The following TDRD7 variants were observed in gnomAD, a reference collection of about 807,000 sequenced individuals.
The protein encoded by TDRD7 is tudor domain-containing protein 7.
In TDRD7, 47 loss-of-function variants were observed where a neutral mutation model predicts 109.8. The ratio of observed to expected loss-of-function variants is 0.43; its 90% CI spans 0.34 to 0.55. The LOEUF (loss-of-function observed/expected upper bound fraction) is 0.55. TDRD7 is among the 20% of genes least tolerant of loss of function. The pLI is 0.03. For synonymous variants in TDRD7, 424 were observed against 457.3 expected (o/e 0.93, Z 0.93); for missense variants, 1,164 against 1,319.2 (o/e 0.88, Z 1.82).
chr9:97,448,513 C>T (rs537723759), intron 6 of TDRD7, among the ~76,000 whole-genome samples: 4 of 152,310 alleles, frequency 2.6e-5, no homozygotes, highest in Admixed American at 6.5e-5. Context: ...ACTGGCTAAT[C>T]GTAGGGTGCA....
At chr9:97,482,047 A>T (rs1333732553) in intron 14 of TDRD7, among the ~76,000 whole-genome samples, 1 of 152,174 alleles carries the variant, frequency 6.6e-6, no homozygotes, top group Non-Finnish European at 1.5e-5. Flanking sequence ...AAGATAAACC[A>T]GAGTTGCTGA....
intron 12 of TDRD7, among the ~76,000 whole-genome samples, chr9:97,476,328 A>G (rs969060085): frequency 6.6e-6 from 1 of 152,174 alleles, no homozygotes; most frequent in South Asian, 2.1e-4. Flanking sequence ...TTGCAAGCTC[A>G]GTTACGAACT....
chr9:97,456,306 C>T (rs1828608348), intron 6 of TDRD7, among the ~76,000 whole-genome samples: 1 of 152,172 alleles, frequency 6.6e-6, no homozygotes, highest in African/African-American at 2.4e-5. Flanking sequence ...ACATTCTTCA[C>T]AGAATTAGAA....
intron 6 of TDRD7, 125 bp downstream of exon 6, chr9:97,442,000 A>G (rs1828315232): frequency 2.5e-6 from 2 of 785,984 alleles, no homozygotes; most frequent in Admixed American, 4.0e-5. Flanking sequence ...TACCTCATTA[A>G]TCTTTATCTC....
intron 4 of TDRD7, among the ~76,000 whole-genome samples, chr9:97,437,127 A>G (rs531843043): frequency 6.6e-6 from 1 of 152,286 alleles, no homozygotes; most frequent in Non-Finnish European, 1.5e-5. Flanking sequence ...AGATTACCCC[A>G]AAGTTATTAG....
At position 97,461,048 on chromosome 9, in the gene TDRD7, A is replaced by G. The variant is rs7871235; in HGVS notation, c.1442+284A>G. Among the ~76,000 whole-genome samples, 7,901 of 151,994 alleles carry G rather than the reference A, an allele frequency of 0.052. 330 individuals are homozygous for G. The highest frequency in any genetic ancestry group is 0.12 in the African/African-American group (4,904 of 41,402). ...CCCAGCTACTCGGGAGGCTGAGGCA[A>G]GAGAATGGTGTCAACTTGGGAGGTG... On this transcript the variant is annotated intron_variant, in intron 7 of 16. Coordinates refer to ENST00000355295, the MANE Select transcript of TDRD7 (RefSeq NM_014290.3).
chr9:97,463,961 G>T (rs1047024775), intron 7 of TDRD7, among the ~76,000 whole-genome samples: 1 of 152,190 alleles, frequency 6.6e-6, no homozygotes, highest in African/African-American at 2.4e-5. Flanking sequence ...AGTTTGGAGG[G>T]GGGGTGTCAA....
intron 1 of TDRD7, among the ~76,000 whole-genome samples, chr9:97,418,756 A>G (rs956882031): frequency 1.3e-5 from 2 of 152,182 alleles, no homozygotes; most frequent in Non-Finnish European, 1.5e-5. Context: ...TCAAACCTGA[A>G]TCACAGTGTT....
At chr9:97,489,420 T>C (rs1455579723) in intron 16 of TDRD7, among the ~76,000 whole-genome samples, 1 of 152,224 alleles carries the variant, frequency 6.6e-6, no homozygotes, top group African/African-American at 2.4e-5. Flanking sequence ...CTGATAACTT[T>C]CCTTGCACTG....
In TDRD7 at chr9:97,441,426, G is replaced by T. The variant is rs17423994; in HGVS notation, c.638-232G>T. ...CATCCTTGCAAAATAAAGGGACTAG[G>T]TTCCCTCTTTGGGTGTTTCTTGACC... On this transcript the variant is annotated intron_variant, in intron 5 of 16. Coordinates refer to ENST00000355295, the MANE Select transcript of TDRD7 (RefSeq NM_014290.3). 0.16 allele frequency among the ~76,000 whole-genome samples: 24,301 copies of T among 152,048 alleles called. 2,514 individuals are homozygous for T. Among genetic ancestry groups the T allele is most frequent in the Middle Eastern group, 0.26 (76 of 294 alleles).
At chr9:97,471,241 C>T (rs4742694) in intron 9 of TDRD7, among the ~76,000 whole-genome samples, 81,415 of 151,940 alleles carry the variant, frequency 0.54, 22,055 homozygotes, top group African/African-American at 0.61. Context: ...TTGGTCATGT[C>T]CGTGATAAGG....
In TDRD7 at chr9:97,460,697, A is replaced by G. The variant is rs1461483967; in HGVS notation, c.1375A>G (p.Ile459Val). 4 of 1,614,084 alleles carry G rather than the reference A, an allele frequency of 2.5e-6. No homozygotes were observed. The highest frequency in any genetic ancestry group is 3.4e-6 in the Non-Finnish European group (4 of 1,180,034). ...GGACATAACAGTTCCTCCTTTAATG[A>G]TTCCAACTGAAGCATCACCATCTGT... ...MEDITVPPLM[I>V]PTEASPSVLV... Residue 459 changes from isoleucine to valine, a missense_variant, in exon 7 of 17, where the codon ATT (isoleucine) becomes GTT (valine). Ile to Val is a conservative substitution (Grantham distance 29, BLOSUM62 3). Transcript: ENST00000355295.
At chr9:97,494,883 G>A (rs1343960837) in intron 16 of TDRD7, among the ~76,000 whole-genome samples, 1 of 151,626 alleles carries the variant, frequency 6.6e-6, no homozygotes, top group African/African-American at 2.4e-5. Flanking sequence ...GCTAATTTTT[G>A]TATTTTTTGT....
Position 97,451,010 on chromosome 9 carries a change from C to A in TDRD7, c.855+9135C>A, listed in dbSNP as rs538804737. Among the ~76,000 whole-genome samples the A allele has an allele frequency of 8.7e-4, 132 of 151,570 alleles. 2 individuals are homozygous for A. The highest frequency in any genetic ancestry group is 3.1e-4 in the Non-Finnish European group (21 of 67,956). On this transcript the variant is annotated intron_variant, in intron 6 of 16. Transcript: ENST00000355295. ...CCAACGCATGATTAGAGGGTTGGGA[C>A]TTTCAGCCCCAACCAACCTCTGGGG... is the stretch of plus-strand genomic sequence containing the variant.
intron 16 of TDRD7, 56 bp downstream of exon 16, chr9:97,487,388 C>G: frequency 6.2e-7 from 1 of 1,611,492 alleles, no homozygotes; most frequent in Non-Finnish European, 8.5e-7. Flanking sequence ...GTCATTTTAT[C>G]CTGGGTACTT....
At chr9:97,438,318 A>G (rs2169458) in intron 4 of TDRD7, among the ~76,000 whole-genome samples, 81,132 of 152,012 alleles carry the variant, frequency 0.53, 21,970 homozygotes, top group African/African-American at 0.62. Flanking sequence ...AATGTGCTTC[A>G]TTTCAAGGAA....
intron 6 of TDRD7, among the ~76,000 whole-genome samples, chr9:97,457,413 CTG>C (rs760187302): frequency 1.3e-5 from 2 of 151,986 alleles, no homozygotes. Context: ...GAGTCTCAAA[CTG>C]TCACCTGGGC....
At chr9:97,484,230 C>T (rs980945546) in intron 15 of TDRD7, among the ~76,000 whole-genome samples, 5 of 152,136 alleles carry the variant, frequency 3.3e-5, no homozygotes, top group African/African-American at 9.7e-5. Context: ...ATTTCTTTAG[C>T]GCTTCAGTGT....
intron 4 of TDRD7, among the ~76,000 whole-genome samples, chr9:97,435,467 TAAA>T (rs11314747): frequency 8.4e-5 from 11 of 131,108 alleles, no homozygotes; most frequent in African/African-American, 5.7e-5. Flanking sequence ...TCATCTCTAC[TAAA>T]AAAAAAAAAA....
Sources: gnomAD v4.1 joint callset for allele counts (sites outside exome capture counted in the v4.1 genomes callset) on GRCh38, gnomAD v4.1.1 for gene constraint, MANE v1.5 for transcripts, NCBI Gene and HGNC (gene_info 2026-07-23, HGNC 2026-07-21) for gene names.